ADGRB3: variants seen among roughly 807,000 people sequenced by gnomAD.
ADGRB3 encodes the protein adhesion G protein-coupled receptor B3.
Under a neutral mutation model 193.4 loss-of-function variants are expected in ADGRB3, and 37 were observed. That is an observed-to-expected ratio of 0.19 (90% confidence interval 0.15 to 0.25). ADGRB3 has a LOEUF of 0.25. Among genes scored for constraint, ADGRB3 ranks in the 10% least tolerant of loss-of-function variants. The probability of loss-of-function intolerance (pLI) is 1.00; values close to 1 mark genes in which losing one functional copy is unlikely to be tolerated. For synonymous variants in ADGRB3, 690 were observed against 644.2 expected (o/e 1.07, Z -1.08); for missense variants, 1,637 against 1,852.9 (o/e 0.88, Z 2.14).
chr6:68,815,659 A>G (rs2127377966), intron 3 of ADGRB3, among the ~76,000 whole-genome samples: 1 of 146,634 alleles, frequency 6.8e-6, no homozygotes, highest in Admixed American at 6.9e-5. Flanking sequence ...ATCTCATTTG[A>G]TGTAATAGTT....
rs1226279699 is a variant in ADGRB3, at chr6:69,123,570, A to G, written c.2480+47532A>G. Among the ~76,000 whole-genome samples, 3 of 152,226 alleles carry G rather than the reference A, an allele frequency of 2.0e-5. No individual in the cohort carries two copies. The East Asian group carries it at 5.8e-4, about 29-fold the overall frequency. On this transcript the variant is annotated intron_variant, in intron 17 of 31. Coordinates refer to ENST00000370598, the MANE Select transcript of ADGRB3 (RefSeq NM_001704.3). ...ATAAAAGCTGCATCTGCCATATAAT[A>G]AATGCTATATAGAAAGATAAAGCAG... is the stretch of plus-strand genomic sequence containing the variant.
chr6:69,265,457 C>G (rs1439099802), intron 20 of ADGRB3, among the ~76,000 whole-genome samples: 1 of 151,898 alleles, frequency 6.6e-6, no homozygotes, highest in Non-Finnish European at 1.5e-5. Flanking sequence ...GTTCTTATCC[C>G]CCATGTTCCA....
chr6:68,739,820 G>T (rs1420848651), intron 3 of ADGRB3, among the ~76,000 whole-genome samples: 2 of 152,148 alleles, frequency 1.3e-5, no homozygotes, highest in Non-Finnish European at 2.9e-5. Context: ...CACATAGTTA[G>T]CTGTAGAGTT....
At chr6:68,696,252 A>G (rs2127305742) in intron 3 of ADGRB3, among the ~76,000 whole-genome samples, 1 of 152,180 alleles carries the variant, frequency 6.6e-6, no homozygotes, top group Admixed American at 6.6e-5. Flanking sequence ...GTGGAATCAA[A>G]TGCTTATTTT....
chr6:68,952,896 A>C (rs2150255218), intron 6 of ADGRB3, among the ~76,000 whole-genome samples: 1 of 152,280 alleles, frequency 6.6e-6, no homozygotes, highest in South Asian at 2.1e-4. Flanking sequence ...TTAAGCTTTA[A>C]CATTAACACA....
intron 3 of ADGRB3, among the ~76,000 whole-genome samples, chr6:68,882,659 T>A (rs1765764510): frequency 6.6e-6 from 1 of 152,142 alleles, no homozygotes; most frequent in Admixed American, 6.5e-5. Flanking sequence ...CTCCCTTAAG[T>A]CCTGGCATGC....
chr6:68,767,815 T>C (rs1248867160), intron 3 of ADGRB3, among the ~76,000 whole-genome samples: 2 of 152,194 alleles, frequency 1.3e-5, no homozygotes, highest in African/African-American at 4.8e-5. Flanking sequence ...CCAAGTCTCC[T>C]TAAGCTGATA....
intron 17 of ADGRB3, among the ~76,000 whole-genome samples, chr6:69,088,325 A>C (rs1772606986): frequency 6.6e-6 from 1 of 152,124 alleles, no homozygotes; most frequent in Non-Finnish European, 1.5e-5. Flanking sequence ...TAGGTAATCT[A>C]GTTCAATATA....
intron 3 of ADGRB3, among the ~76,000 whole-genome samples, chr6:68,658,630 T>C (rs114601718): frequency 0.028 from 4,212 of 151,402 alleles, 181 homozygotes; most frequent in African/African-American, 0.095. Context: ...TACTCACTAA[T>C]ACAAAGTTTT....
chr6:68,738,804 G>T (rs1266983245), intron 3 of ADGRB3, among the ~76,000 whole-genome samples: 2 of 152,090 alleles, frequency 1.3e-5, no homozygotes, highest in Non-Finnish European at 2.9e-5. Flanking sequence ...GTTTCAGAGG[G>T]ATGTCCAAAT....
At chr6:68,707,425 T>A (rs1398201243) in intron 3 of ADGRB3, among the ~76,000 whole-genome samples, 1 of 152,184 alleles carries the variant, frequency 6.6e-6, no homozygotes, top group Non-Finnish European at 1.5e-5. Context: ...TATCTGTGTT[T>A]GTGTGTGTAT....
intron 3 of ADGRB3, among the ~76,000 whole-genome samples, chr6:68,857,041 C>T (rs889355765): frequency 2.6e-5 from 4 of 152,130 alleles, no homozygotes; most frequent in Non-Finnish European, 2.9e-5. Context: ...GGGTGTTGAG[C>T]CTGCAAGGGC....
rs1346139690 is a variant in ADGRB3 at position 68,636,716 on chromosome 6, ACT to A, written c.-187-670_-187-669del. Among the ~76,000 whole-genome samples, 9 of 152,226 alleles carry A rather than the reference ACT, an allele frequency of 5.9e-5. No individual in the cohort carries two copies. The East Asian group carries it at 1.5e-3, about 26-fold the overall frequency. On this transcript the variant is annotated intron_variant, in intron 1 of 31. Coordinates refer to ENST00000370598, the MANE Select transcript of ADGRB3 (RefSeq NM_001704.3). ...AAAGTGAATTCAGAGCTATTTCCTC[ACT>A]CTCTGATCATTGATGAGCACGGCAT...
chr6:69,005,583 T>TA (rs1769723398), intron 11 of ADGRB3, among the ~76,000 whole-genome samples: 1 of 152,156 alleles, frequency 6.6e-6, no homozygotes, highest in Admixed American at 6.6e-5. Flanking sequence ...ACGTGACTAT[T>TA]ACAGGCGTAC....
At chr6:69,109,752 C>T (rs55835027) in intron 17 of ADGRB3, among the ~76,000 whole-genome samples, 30,166 of 151,820 alleles carry the variant, frequency 0.2, 3,282 homozygotes, top group Middle Eastern at 0.33. Context: ...GCAATGGAAG[C>T]GGAAAGGGGA....
At chr6:69,074,387 G>A (rs1294698410) in intron 16 of ADGRB3, among the ~76,000 whole-genome samples, 1 of 152,094 alleles carries the variant, frequency 6.6e-6, no homozygotes, top group African/African-American at 2.4e-5. Context: ...AGCTTCTCTG[G>A]ACTTTCAAAG....
intron 13 of ADGRB3, among the ~76,000 whole-genome samples, chr6:69,037,562 A>C (rs1326468087): frequency 6.6e-6 from 1 of 152,088 alleles, no homozygotes; most frequent in Non-Finnish European, 1.5e-5. Flanking sequence ...CATTCTATAT[A>C]ATCCTTATAA....
chr6:69,285,817 A>T (rs891337502), intron 20 of ADGRB3, among the ~76,000 whole-genome samples: 1 of 151,946 alleles, frequency 6.6e-6, no homozygotes, highest in African/African-American at 2.4e-5. Context: ...AACTCTTCCC[A>T]GCACAGACCT....
intron 17 of ADGRB3, among the ~76,000 whole-genome samples, chr6:69,080,213 G>A (rs576164552): frequency 1.5e-4 from 23 of 152,024 alleles, no homozygotes; most frequent in African/African-American, 5.1e-4. Context: ...TTATTTCAGG[G>A]AAGTTGACAT....
Sources: gnomAD v4.1 joint callset for allele counts (sites outside exome capture counted in the v4.1 genomes callset) on GRCh38, gnomAD v4.1.1 for gene constraint, MANE v1.5 for transcripts, NCBI Gene and HGNC (gene_info 2026-07-23, HGNC 2026-07-21) for gene names.